The following KIAA1671 variants were observed in gnomAD, a reference collection of about 807,000 sequenced individuals.
The protein encoded by KIAA1671 is KIAA1671.
Under a neutral mutation model 131.2 loss-of-function variants are expected in KIAA1671, and 52 were observed. That is an observed-to-expected ratio of 0.40 (90% CI 0.32 to 0.50). The LOEUF (loss-of-function observed/expected upper bound fraction) is 0.50, where lower values mean the gene tolerates loss of function less well. KIAA1671 is among the 20% of genes least tolerant of loss of function. KIAA1671 has a pLI of 0.73. For synonymous variants in KIAA1671, 1,003 were observed against 961.6 expected (o/e 1.04, Z -0.80); for missense variants, 2,360 against 2,364.2 (o/e 1.00, Z 0.04).
rs1428547468 is a variant in KIAA1671 at position 24,981,984 on chromosome 22, CT to C, written c.-208+29213del. ...ATAACCATATATTACTGGATGCTGCCTGAATTACCTGAGGAGAGACATGTGT... is the reference window on the plus strand; with the variant it reads ...ATAACCATATATTACTGGATGCTGCCGAATTACCTGAGGAGAGACATGTGT... On this transcript the variant is annotated intron_variant, in intron 1 of 12. Transcript: ENST00000358431. Among the ~76,000 whole-genome samples the C allele has an allele frequency of 3.3e-5, 5 of 152,282 alleles. No individual in the cohort carries two copies. The East Asian group carries it at 9.7e-4, about 29-fold the overall frequency.
chr22:25,036,236 A>G (rs1300724076), intron 4 of KIAA1671, among the ~76,000 whole-genome samples: 3 of 151,912 alleles, frequency 2.0e-5, no homozygotes, highest in African/African-American at 7.2e-5. Flanking sequence ...ATGCGCCACC[A>G]CACCTGGCTA....
rs951721751 is a variant in KIAA1671 at position 25,161,811 on chromosome 22, A to T, written c.4531-9009A>T. Among the ~76,000 whole-genome samples the T allele has an allele frequency of 5.3e-4, 81 of 152,046 alleles. 1 individual carries two copies. The highest frequency in any genetic ancestry group is 1.8e-3 in the African/African-American group (73 of 41,396). On this transcript the variant is annotated intron_variant, in intron 6 of 12. Coordinates refer to ENST00000358431, the MANE Select transcript of KIAA1671 (RefSeq NM_001145206.2). The stretch of plus-strand genomic sequence containing the variant: ...ACCACACCTGTGGATGCACTTCGGG[A>T]TGGCCTGTGGTGACCAGAGCACTGG...
At chr22:24,984,132 T>C (rs1218137074) in intron 1 of KIAA1671, among the ~76,000 whole-genome samples, 4 of 152,142 alleles carry the variant, frequency 2.6e-5, no homozygotes, top group African/African-American at 9.7e-5. Flanking sequence ...GGACATTATG[T>C]GGTTGCATTC....
At chr22:25,175,584 A>T (rs1288144567) in intron 8 of KIAA1671, 2 of 152,232 alleles carry the variant, frequency 1.3e-5, no homozygotes, top group Non-Finnish European at 2.9e-5. Flanking sequence ...ATATTCAGTT[A>T]TTCACTCAAC....
At position 25,039,425 on chromosome 22, in the gene KIAA1671, G is replaced by C; in HGVS notation, c.2295G>C (p.Trp765Cys). The C allele has an allele frequency of 6.4e-7, 1 of 1,551,796 alleles. No homozygotes were observed. Among genetic ancestry groups the C allele is most frequent in the Non-Finnish European group, 8.7e-7 (1 of 1,147,026 alleles). ...KAVTLRSLRS[W>C]LSLKDRQLSQ... ...TCACGCTCCGCAGCCTCAGGTCTTG[G>C]CTCTCACTGAAGGACAGGCAGCTGT... Residue 765 changes from tryptophan to cysteine, a missense_variant, in exon 5 of 13, where the codon TGG (tryptophan) becomes TGC (cysteine). Coordinates refer to ENST00000358431, the MANE Select transcript of KIAA1671 (RefSeq NM_001145206.2).
At chr22:25,021,462 T>C (rs1277543930) in intron 1 of KIAA1671, among the ~76,000 whole-genome samples, 1 of 144,922 alleles carries the variant, frequency 6.9e-6, no homozygotes, top group Non-Finnish European at 1.5e-5. Flanking sequence ...GAGCTTGTCC[T>C]TACCTTTTTT....
At chr22:25,019,339 G>T (rs1925533291) in intron 1 of KIAA1671, among the ~76,000 whole-genome samples, 1 of 152,136 alleles carries the variant, frequency 6.6e-6, no homozygotes, top group Non-Finnish European at 1.5e-5. Flanking sequence ...GGGATGAAAT[G>T]AAATAATCCT....
intron 4 of KIAA1671, among the ~76,000 whole-genome samples, chr22:25,034,898 T>C (rs1193367128): frequency 6.7e-6 from 1 of 149,850 alleles, no homozygotes; most frequent in Non-Finnish European, 1.5e-5. Context: ...CCACCACGCC[T>C]GGCTAATTTT....
At chr22:25,090,373 G>GA (rs1929966893) in intron 6 of KIAA1671, among the ~76,000 whole-genome samples, 1 of 152,228 alleles carries the variant, frequency 6.6e-6, no homozygotes, top group Non-Finnish European at 1.5e-5. Flanking sequence ...ATTTAGCTGG[G>GA]ACCCCACCCT....
At chr22:25,008,279 A>G (rs1321509588) in intron 1 of KIAA1671, among the ~76,000 whole-genome samples, 1 of 151,738 alleles carries the variant, frequency 6.6e-6, no homozygotes, top group African/African-American at 2.4e-5. Context: ...GGGCAAAGCC[A>G]AGAACCCTCC....
At chr22:25,062,834 A>ACCCGCCC (rs1928241125) in intron 6 of KIAA1671, 2 of 10,260 alleles carry the variant, frequency 1.9e-4, no homozygotes, top group Admixed American at 9.9e-4. Flanking sequence ...GCCCCCCGCC[A>ACCCGCCC]CCCGCCACTC....
intron 6 of KIAA1671, among the ~76,000 whole-genome samples, chr22:25,101,415 C>A (rs965622462): frequency 6.6e-5 from 10 of 152,152 alleles, no homozygotes; most frequent in African/African-American, 2.4e-4. Context: ...TCTACTTGAG[C>A]TGAGGGTGGG....
chr22:25,010,857 A>AT, intron 1 of KIAA1671: 1 of 152,330 alleles, frequency 6.6e-6, no homozygotes, highest in Non-Finnish European at 1.5e-5. Flanking sequence ...ATATCAAGTT[A>AT]TTTTCCATGT....
At chr22:24,969,173 C>T (rs988238221) in intron 1 of KIAA1671, among the ~76,000 whole-genome samples, 33 of 152,266 alleles carry the variant, frequency 2.2e-4, no homozygotes, top group African/African-American at 6.3e-4. Flanking sequence ...AGTGCTGGCA[C>T]TACAGGTGTG....
chr22:24,993,801 C>T (rs576342510), intron 1 of KIAA1671, among the ~76,000 whole-genome samples: 7 of 151,988 alleles, frequency 4.6e-5, no homozygotes, highest in South Asian at 2.1e-4. Flanking sequence ...CAAGTGCAGC[C>T]GGGTATGGTG....
At chr22:25,013,912 C>G (rs150269966) in intron 1 of KIAA1671, 2 of 152,288 alleles carry the variant, frequency 1.3e-5, no homozygotes, top group East Asian at 3.9e-4. Flanking sequence ...GACATCTTTA[C>G]TGGGTCTGCC....
chr22:24,953,555 T>C (rs1467342856), intron 1 of KIAA1671, among the ~76,000 whole-genome samples: 1 of 151,872 alleles, frequency 6.6e-6, no homozygotes, highest in Non-Finnish European at 1.5e-5. Context: ...TCAGTCCCCC[T>C]GTTACCAGGC....
chr22:25,019,862 G>A (rs749881368), intron 1 of KIAA1671, among the ~76,000 whole-genome samples: 1 of 152,096 alleles, frequency 6.6e-6, no homozygotes, highest in Non-Finnish European at 1.5e-5. Context: ...GGATTTTTGT[G>A]CAGGCTGGGA....
chr22:25,190,913 T>G, intron 12 of KIAA1671, 129 bp downstream of exon 12: 45 of 526,486 alleles, frequency 8.5e-5, no homozygotes, highest in Non-Finnish European at 9.7e-5. Flanking sequence ...AGGGGAAGAA[T>G]GAGGGGTGGG....
Sources: allele counts gnomAD v4.1 joint callset (sites outside exome capture counted in the v4.1 genomes callset), GRCh38; gene constraint gnomAD v4.1.1; transcripts MANE v1.5; gene names NCBI Gene and HGNC (gene_info 2026-07-23, HGNC 2026-07-21).